GABRP: variants seen among roughly 807,000 people sequenced by gnomAD.
The protein encoded by GABRP is gamma-aminobutyric acid type A receptor subunit pi, also known as gamma-aminobutyric acid receptor subunit pi.
GABRP carries 52 observed loss-of-function variants against 47.8 expected under a neutral mutation model. That is an observed-to-expected ratio of 1.09 (90% CI 0.87 to 1.37). GABRP has a LOEUF of 1.37. GABRP is among the 40% of genes most tolerant of loss of function. The pLI is 0.00. For missense variants in GABRP, 525 were observed against 542.8 expected (o/e 0.97, Z 0.33); for synonymous variants, 221 against 205.8 (o/e 1.07, Z -0.63).
chr5:170,808,786 G>T, intron 8 of GABRP, 34 bp downstream of exon 8: 1 of 1,595,144 alleles, frequency 6.3e-7, no homozygotes. Flanking sequence ...TCTAAGAACT[G>T]GCTTATCAGG....
chr5:170,787,618 G>T (rs374199511), intron 1 of GABRP, among the ~76,000 whole-genome samples: 2 of 152,190 alleles, frequency 1.3e-5, no homozygotes, highest in African/African-American at 2.4e-5. Context: ...AGAGTACCGG[G>T]GGGGAGGCAG....
In GABRP at chr5:170,811,994, T is replaced by C. The variant is rs1208709489; in HGVS notation, c.1059T>C (p.Asn353=). The C allele has an allele frequency of 6.8e-6, 11 of 1,614,182 alleles. No homozygotes were observed. Among genetic ancestry groups the C allele is most frequent in the Admixed American group, 1.7e-5 (1 of 60,028 alleles). ...AAGTAGAAGAAGTCAGTATTACTAA[T>C]ATCATCAACAGCTCCATCTCCAGCT... ...TKEVEEVSIT[N]IINSSISSFK... The change falls in exon 10 of 10, where the codon AAT becomes AAC. Residue 353 remains asparagine (N), a synonymous_variant. Coordinates refer to ENST00000265294, the MANE Select transcript of GABRP (RefSeq NM_014211.3).
chr5:170,808,445 G>C (rs1297805252), intron 7 of GABRP, among the ~76,000 whole-genome samples, 155 bp from the exon 8 acceptor site: 3 of 152,152 alleles, frequency 2.0e-5, no homozygotes, highest in African/African-American at 7.2e-5. Flanking sequence ...CAATGCAACA[G>C]CAGTGTCTCC....
chr5:170,789,997 A>G (rs1474712639), intron 3 of GABRP, among the ~76,000 whole-genome samples: 1 of 152,130 alleles, frequency 6.6e-6, no homozygotes, highest in Admixed American at 6.5e-5. Context: ...CCTTGTGAAC[A>G]TGCCTCAAAA....
In GABRP at chr5:170,805,717, G is replaced by T; in HGVS notation, c.543G>T (p.Trp181Cys). Residue 181 changes from tryptophan to cysteine, a missense_variant and splice_region_variant, in exon 7 of 10, where the codon TGG becomes TGT. By Grantham distance (215) the Trp-to-Cys change is radical. Coordinates refer to ENST00000265294, the MANE Select transcript of GABRP (RefSeq NM_014211.3). ...TQTCKLQLES[W>C]GYDGNDVEFT... Reference sequence around the variant, plus strand: ...CCAGGGCTCCATTTTATTTGCCAGGGGGCTATGATGGAAATGATGTGGAGT... The same window carrying T: ...CCAGGGCTCCATTTTATTTGCCAGGTGGCTATGATGGAAATGATGTGGAGT... 1 of 1,614,122 alleles carries T rather than the reference G, an allele frequency of 6.2e-7. No individual in the cohort carries two copies. The highest frequency in any genetic ancestry group is 8.5e-7 in the Non-Finnish European group (1 of 1,180,016).
At chr5:170,798,143 G>A (rs1447472368) in intron 6 of GABRP, among the ~76,000 whole-genome samples, 4 of 152,186 alleles carry the variant, frequency 2.6e-5, no homozygotes, top group Non-Finnish European at 5.9e-5. Flanking sequence ...CCAGGTTCAC[G>A]CCATTCTCCT....
In GABRP at chr5:170,808,583, G is replaced by A; in HGVS notation, c.680-17G>A. 6.2e-7 allele frequency: 1 copy of A among 1,611,184 alleles called. No individual in the cohort carries two copies. Among genetic ancestry groups the A allele is most frequent in the Non-Finnish European group, 8.5e-7 (1 of 1,178,050 alleles). ...CACGAACAGACACAATTTCCTATCT[G>A]TTGTTTACCCTTTCAGGAAATTACA... On this transcript the variant is annotated splice_polypyrimidine_tract_variant and intron_variant, in intron 7 of 9. Coordinates refer to ENST00000265294, the MANE Select transcript of GABRP (RefSeq NM_014211.3).
intron 3 of GABRP, among the ~76,000 whole-genome samples, chr5:170,793,583 TGTG>T (rs1043433698): frequency 6.6e-6 from 1 of 152,180 alleles, no homozygotes; most frequent in African/African-American, 2.4e-5. Flanking sequence ...GAATGCCTCT[TGTG>T]GTAAATTTAC....
intron 7 of GABRP, among the ~76,000 whole-genome samples, chr5:170,806,877 T>C (rs539574681): frequency 4.6e-4 from 70 of 152,220 alleles, no homozygotes; most frequent in Non-Finnish European, 9.4e-4. Flanking sequence ...ATTTTTTCTC[T>C]CTACTTTTCT....
In GABRP at chr5:170,812,360, C is replaced by T. The variant is rs1438446004; in HGVS notation, c.*102C>T. On this transcript the variant is annotated 3_prime_UTR_variant, in exon 10 of 10. Transcript: ENST00000265294. ...TGTGCACCCACATCCAATGGTGCTA[C>T]AAGTGACTGAAATAATATTTGAGTC... is the stretch of plus-strand genomic sequence containing the variant. 1 of 852,650 alleles carries T rather than the reference C, an allele frequency of 1.2e-6. No homozygotes were observed. Among genetic ancestry groups the T allele is most frequent in the Non-Finnish European group, 1.8e-6 (1 of 541,948 alleles). The allele number at this position is 852,650 out of a possible 1,614,324, so 52.8% of individuals were successfully genotyped here.
At chr5:170,803,278 A>G (rs1019591362) in intron 6 of GABRP, among the ~76,000 whole-genome samples, 20 of 152,212 alleles carry the variant, frequency 1.3e-4, no homozygotes, top group Non-Finnish European at 7.3e-5. Context: ...TGTTAGTTCC[A>G]ACACCGGCAT....
chr5:170,792,747 C>T (rs966016222), intron 3 of GABRP, among the ~76,000 whole-genome samples: 1 of 152,154 alleles, frequency 6.6e-6, no homozygotes, highest in African/African-American at 2.4e-5. Context: ...TTTCAAATTC[C>T]TACCTATATC....
intron 1 of GABRP, among the ~76,000 whole-genome samples, chr5:170,784,836 G>T (rs1765088395): frequency 6.6e-6 from 1 of 152,232 alleles, no homozygotes; most frequent in South Asian, 2.1e-4. Flanking sequence ...TACAAGTGGA[G>T]GTAGGAGCTT....
chr5:170,805,917 G>A, intron 7 of GABRP, 64 bp downstream of exon 7: 3 of 1,563,162 alleles, frequency 1.9e-6, no homozygotes, highest in Non-Finnish European at 2.6e-6. Flanking sequence ...GTTGCTCTCT[G>A]AGTCAGAAAT....
intron 1 of GABRP, among the ~76,000 whole-genome samples, 191 bp downstream of exon 1, chr5:170,784,065 A>T (rs1765068569): frequency 1.3e-5 from 2 of 152,338 alleles, no homozygotes; most frequent in South Asian, 2.1e-4. Context: ...CACTACAGCC[A>T]CAGTCATTCA....
rs939071930 is a variant in GABRP at position 170,808,615 on chromosome 5, T to G, written c.695T>G (p.Leu232Trp). The part of the protein sequence containing the change: ...SQQETGNYTR[L>W]VLQFELRRNV... ...ACCCTTTCAGGAAATTACACTAGAT[T>G]GGTCTTACAGTTTGAGCTTCGGAGG... The change falls in exon 8 of 10, where the codon TTG becomes TGG. Residue 232 changes from leucine to tryptophan, a missense_variant. Physicochemically the swap from Leu to Trp is moderately conservative, Grantham distance 61. Coordinates refer to ENST00000265294, the MANE Select transcript of GABRP (RefSeq NM_014211.3). 1.5e-5 allele frequency: 25 copies of G among 1,613,844 alleles called. No homozygotes were observed. Among genetic ancestry groups the G allele is most frequent in the Non-Finnish European group, 2.1e-5 (25 of 1,179,932 alleles).
rs769273669 is a variant in GABRP at position 170,797,439 on chromosome 5, GT to G, written c.459-22del. The G allele has an allele frequency of 3.3e-5, 48 of 1,458,882 alleles. No individual in the cohort carries two copies. The East Asian group carries it at 8.2e-4, about 25-fold the overall frequency. 90.4% of individuals were successfully genotyped at this position (1,458,882 alleles called of 1,614,324 possible). ...CTTTCTATAACTTCCTCACAATACTGTTTTTGAACCTGTTTTTCCCTCTTAG... is the reference window on the plus strand; with the variant it reads ...CTTTCTATAACTTCCTCACAATACTGTTTTGAACCTGTTTTTCCCTCTTAG... On this transcript the variant is annotated intron_variant, in intron 5 of 9. Coordinates refer to ENST00000265294, the MANE Select transcript of GABRP (RefSeq NM_014211.3).
At chr5:170,788,544 C>T in intron 1 of GABRP, 30 bp from the exon 2 acceptor site, 3 of 1,510,882 alleles carry the variant, frequency 2.0e-6, no homozygotes, top group Non-Finnish European at 1.8e-6. Context: ...GTTGCACGGC[C>T]TTCCACTTAC....
At chr5:170,811,649 T>C (rs1026423477) in intron 9 of GABRP, among the ~76,000 whole-genome samples, 1 of 152,154 alleles carries the variant, frequency 6.6e-6, no homozygotes, top group African/African-American at 2.4e-5. Context: ...CGAATGGAAT[T>C]TGAACCCAGG....
Sources: gnomAD v4.1 joint callset for allele counts (sites outside exome capture counted in the v4.1 genomes callset) on GRCh38, gnomAD v4.1.1 for gene constraint, MANE v1.5 for transcripts, NCBI Gene and HGNC (gene_info 2026-07-23, HGNC 2026-07-21) for gene names.